Variants in SFXN4 observed in about 807,000 individuals in gnomAD.
The protein encoded by SFXN4 is sideroflexin 4.
A neutral mutation model predicts 54.6 loss-of-function variants in SFXN4; 48 were observed. The observed-to-expected ratio is 0.88, with a 90% CI of 0.70 to 1.12. The LOEUF is 1.12. Ranked by LOEUF, SFXN4 falls within the 50% of genes most tolerant of loss-of-function variation. SFXN4 has a pLI of 0.00. For synonymous variants in SFXN4, 130 were observed against 145.5 expected (o/e 0.89, Z 0.77); for missense variants, 383 against 409.2 (o/e 0.94, Z 0.55).
intron 11 of SFXN4, among the ~76,000 whole-genome samples, chr10:119,152,327 T>C (rs1489987466): frequency 6.6e-6 from 1 of 151,640 alleles, no homozygotes; most frequent in East Asian, 2.0e-4. Context: ...TCGCCCAGGC[T>C]GGAGTGCAAT....
rs1255128324 is a variant in SFXN4, at chr10:119,147,811, G to T, written c.782C>A (p.Ala261Asp). 1 of 1,614,018 alleles carries T rather than the reference G, an allele frequency of 6.2e-7. No individual in the cohort carries two copies. Residue 261 changes from alanine (A) to aspartate (D), a missense_variant, in exon 12 of 14, where the codon GCT becomes GAT. Physicochemically the swap from Ala to Asp is moderately radical, Grantham distance 126. Coordinates refer to ENST00000355697, the MANE Select transcript of SFXN4 (RefSeq NM_213649.2). ...ASRIVLFGTS[A>D]LIPEVFTYFF... ...GTAGGTGAAGACTTCAGGAATCAGA[G>T]CTGAGGTCCCAAACAGCACTATTCT...
chr10:119,162,883 A>G (rs927080189), intron 2 of SFXN4, among the ~76,000 whole-genome samples: 2 of 151,788 alleles, frequency 1.3e-5, no homozygotes, highest in Non-Finnish European at 2.9e-5. Context: ...GCAGCCTTAA[A>G]CTTCTGGGCT....
rs957926177 is a variant in SFXN4, at chr10:119,164,186, C to T, written c.122G>A (p.Arg41Gln). ...TAATTCTGTCCATTGAAGAAATCGT[C>T]GAATAAAGGACTTAGGAGGGAGAAA... ...FWITERQSFI[R>Q]RFLQWTELLD... The change falls in exon 2 of 14, where the codon CGA becomes CAA. Residue 41 changes from arginine (R) to glutamine (Q), a missense_variant. Physicochemically the swap from Arg to Gln is conservative, Grantham distance 43. Coordinates refer to ENST00000355697, the MANE Select transcript of SFXN4 (RefSeq NM_213649.2). 6.9e-6 allele frequency: 11 copies of T among 1,587,428 alleles called. No individual in the cohort carries two copies. The highest frequency in any genetic ancestry group is 1.4e-5 in the African/African-American group (1 of 73,416).
At chr10:119,144,547 T>A (rs559815396) in intron 13 of SFXN4, among the ~76,000 whole-genome samples, 1 of 148,658 alleles carries the variant, frequency 6.7e-6, no homozygotes, top group African/African-American at 2.5e-5. Flanking sequence ...ATTAAAAAAA[T>A]TGGCTTTCTG....
intron 3 of SFXN4, 39 bp from the exon 4 acceptor site, chr10:119,161,120 A>T: frequency 1.2e-6 from 2 of 1,609,428 alleles, no homozygotes; most frequent in Non-Finnish European, 1.7e-6. Flanking sequence ...TTCATTTTAA[A>T]TTTTTTTTAA....
chr10:119,164,964 T>G (rs983637416), intron 1 of SFXN4, among the ~76,000 whole-genome samples: 3 of 152,248 alleles, frequency 2.0e-5, no homozygotes, highest in East Asian at 3.8e-4. Flanking sequence ...GATTACATGT[T>G]GAAATGTTAA....
chr10:119,141,241 C>T lies in SFXN4; in HGVS notation c.*1G>A. 4 of 1,609,522 alleles carry T rather than the reference C, an allele frequency of 2.5e-6. No homozygotes were observed. Among genetic ancestry groups the T allele is most frequent in the Non-Finnish European group, 3.4e-6 (4 of 1,176,178 alleles). On this transcript the variant is annotated 3_prime_UTR_variant, in exon 14 of 14. Transcript: ENST00000355697. ...CACATAAATTCACCTAAAACTCACG[C>T]CTACACCCCTCTGTGATAAAAGATT...
At chr10:119,146,717 C>T (rs576594462) in intron 12 of SFXN4, among the ~76,000 whole-genome samples, 15 of 152,112 alleles carry the variant, frequency 9.9e-5, no homozygotes, top group Middle Eastern at 3.4e-3. Context: ...TATAGGCGCC[C>T]GCCACCACGC....
intron 9 of SFXN4, 98 bp from the exon 10 acceptor site, chr10:119,156,854 C>G: frequency 3.8e-6 from 3 of 793,376 alleles, no homozygotes; most frequent in South Asian, 3.0e-5. Flanking sequence ...GTTCCTATTA[C>G]AAGTCAGACC....
intron 13 of SFXN4, among the ~76,000 whole-genome samples, chr10:119,143,351 G>A (rs1846637249): frequency 1.3e-5 from 2 of 151,590 alleles, no homozygotes; most frequent in Non-Finnish European, 2.9e-5. Flanking sequence ...CTGCAGGTGT[G>A]TGCCGCTTCA....
intron 2 of SFXN4, 30 bp downstream of exon 2, chr10:119,164,101 A>G: frequency 7.5e-7 from 1 of 1,326,694 alleles, no homozygotes. Context: ...ATAAAATGTG[A>G]AATTCATTAG....
chr10:119,145,208 G>A (rs917602778), intron 13 of SFXN4, among the ~76,000 whole-genome samples: 1 of 151,646 alleles, frequency 6.6e-6, no homozygotes, highest in South Asian at 2.1e-4. Context: ...TTCCTCCTCC[G>A]CAGCCTACTC....
In SFXN4 at chr10:119,148,709, T is replaced by C. The variant is rs531545394; in HGVS notation, c.733-849A>G. ...ATAAAATTGTGTTATGTACAGGTTA[T>C]AACATTTTTGTAATCTTTTCTATAA... On this transcript the variant is annotated intron_variant, in intron 11 of 13. Coordinates refer to ENST00000355697, the MANE Select transcript of SFXN4 (RefSeq NM_213649.2). Among the ~76,000 whole-genome samples the C allele has an allele frequency of 5.9e-5, 9 of 152,348 alleles. No individual in the cohort carries two copies. The South Asian group carries it at 1.9e-3, about 32-fold the overall frequency.
chr10:119,164,064 A>AT, intron 2 of SFXN4, 67 bp downstream of exon 2: 11 of 721,780 alleles, frequency 1.5e-5, no homozygotes, highest in Non-Finnish European at 2.5e-5. Flanking sequence ...AAAAAAAAAA[A>AT]GGGACACACA....
intron 11 of SFXN4, among the ~76,000 whole-genome samples, chr10:119,148,779 GTA>G (rs1846928588): frequency 6.6e-6 from 1 of 152,170 alleles, no homozygotes; most frequent in Admixed American, 6.6e-5. Context: ...ACAATTTACT[GTA>G]TGGGTGAGTA....
chr10:119,163,631 G>T (rs558283317), intron 2 of SFXN4, among the ~76,000 whole-genome samples: 48 of 151,826 alleles, frequency 3.2e-4, no homozygotes, highest in African/African-American at 1.1e-3. Context: ...TCGAATTCCT[G>T]ACCTCAGGTG....
rs1482309499 is a variant in SFXN4, at chr10:119,141,033, G to A, written c.*209C>T. 5 of 464,246 alleles carry A rather than the reference G, an allele frequency of 1.1e-5. No homozygotes were observed. Among genetic ancestry groups the A allele is most frequent in the South Asian group, 3.8e-5 (1 of 26,096 alleles). The allele number at this position is 464,246 out of a possible 1,614,324, so 28.8% of individuals were successfully genotyped here. On this transcript the variant is annotated 3_prime_UTR_variant, in exon 14 of 14. Transcript: ENST00000355697. Reference sequence around the variant, plus strand: ...CTCAGCAACCCCAGGGGTGTCAGACGGGGCACCCTCCCACTGTCTTCTCCA... The same window carrying A: ...CTCAGCAACCCCAGGGGTGTCAGACAGGGCACCCTCCCACTGTCTTCTCCA...
At chr10:119,153,998 T>C (rs1041228870) in intron 11 of SFXN4, among the ~76,000 whole-genome samples, 2 of 151,640 alleles carry the variant, frequency 1.3e-5, no homozygotes, top group African/African-American at 4.8e-5. Flanking sequence ...GCCAATACGG[T>C]GAAACCCCAC....
At chr10:119,159,918 C>G (rs1203569248) in intron 5 of SFXN4, among the ~76,000 whole-genome samples, 165 bp from the exon 6 acceptor site, 1 of 152,100 alleles carries the variant, frequency 6.6e-6, no homozygotes, top group Non-Finnish European at 1.5e-5. Context: ...AGTGGGGGGT[C>G]AAGGTCTCAG....
Sources: gnomAD v4.1 joint callset for allele counts (sites outside exome capture counted in the v4.1 genomes callset) on GRCh38, gnomAD v4.1.1 for gene constraint, MANE v1.5 for transcripts, NCBI Gene and HGNC (gene_info 2026-07-23, HGNC 2026-07-21) for gene names.